Variants in LRRIQ1 observed in about 807,000 individuals in gnomAD.
LRRIQ1 encodes the protein leucine-rich repeat- and IQ domain-containing protein 1.
A neutral mutation model predicts 211.9 loss-of-function variants in LRRIQ1; 210 were observed. The ratio of observed to expected loss-of-function variants is 0.99; its 90% confidence interval spans 0.89 to 1.11. The LOEUF is 1.11. Ranked by LOEUF, LRRIQ1 falls within the 50% of genes most tolerant of loss-of-function variation. The pLI, the probability that LRRIQ1 is intolerant of heterozygous loss-of-function variation, is 0.00. For missense variants in LRRIQ1, 2,136 were observed against 1,939.5 expected, an observed-to-expected ratio of 1.10 and a Z score of -1.90; for synonymous variants, 699 against 650.1, an observed-to-expected ratio of 1.08 and a Z score of -1.14.
chr12:85,052,708 T>C (rs938402438), intron 7 of LRRIQ1, among the ~76,000 whole-genome samples: 2 of 152,238 alleles, frequency 1.3e-5, no homozygotes, highest in African/African-American at 4.8e-5. Context: ...ATAATCCTGT[T>C]ATTTAGCTAA....
chr12:85,126,695 C>A (rs1424183949), intron 17 of LRRIQ1, among the ~76,000 whole-genome samples: 1 of 151,954 alleles, frequency 6.6e-6, no homozygotes, highest in African/African-American at 2.4e-5. Flanking sequence ...CAGATTGGAG[C>A]CTTCTACTGG....
chr12:85,061,519 ACAGAAATTGC>A (rs1881801258), intron 8 of LRRIQ1, among the ~76,000 whole-genome samples: 1 of 151,804 alleles, frequency 6.6e-6, no homozygotes, highest in South Asian at 2.1e-4. Flanking sequence ...AGATTAAAGG[ACAGAAATTGC>A]CACATCATAA....
rs1888018805 is a variant in LRRIQ1, at chr12:85,121,936, A to AT, written c.3557+64dup. ...ATCAATAATGTAATTTATAAATGTG[A>AT]TTTTAAAGTATTCTGATTAACACAA... On this transcript the variant is annotated intron_variant, in intron 16 of 26. Transcript: ENST00000393217. The AT allele has an allele frequency of 5.3e-6, 7 of 1,324,116 alleles. No homozygotes were observed. In the East Asian group the frequency reaches 1.3e-4, roughly 25 times the overall value. The allele number at this position is 1,324,116 out of a possible 1,614,324, so 82.0% of individuals were successfully genotyped here.
chr12:85,053,848 C>T (rs990729127), intron 7 of LRRIQ1, among the ~76,000 whole-genome samples: 1 of 152,120 alleles, frequency 6.6e-6, no homozygotes, highest in Non-Finnish European at 1.5e-5. Context: ...GCTGGGACTA[C>T]AGGCGCCCGC....
chr12:85,056,644 A>T lies in LRRIQ1; in HGVS notation c.1851A>T (p.Thr617=), dbSNP rs1355514416. The change falls in exon 8 of 27, where the codon ACA becomes ACT. Residue 617 remains threonine (T), a synonymous_variant. Transcript: ENST00000393217. Reference sequence around the variant, plus strand: ...TGAAACAAAGATCACTCTCACTAACATCAGAAAATTCCAAAGATGTAAGAG... The same window carrying T: ...TGAAACAAAGATCACTCTCACTAACTTCAGAAAATTCCAAAGATGTAAGAG... ...ISVKQRSLSL[T]SENSKDVREN... The T allele has an allele frequency of 1.9e-6, 3 of 1,598,752 alleles. No homozygotes were observed. Among genetic ancestry groups the T allele is most frequent in the Non-Finnish European group, 2.6e-6 (3 of 1,173,886 alleles).
At chr12:85,128,575 G>A (rs1051983243) in intron 18 of LRRIQ1, among the ~76,000 whole-genome samples, 1 of 152,078 alleles carries the variant, frequency 6.6e-6, no homozygotes, top group African/African-American at 2.4e-5. Context: ...ACACTAGCCT[G>A]GATATAGAGT....
At chr12:85,132,445 A>G (rs1015689332) in intron 18 of LRRIQ1, among the ~76,000 whole-genome samples, 2 of 152,110 alleles carry the variant, frequency 1.3e-5, no homozygotes, top group African/African-American at 4.8e-5. Flanking sequence ...AAAGAAAGCA[A>G]GTAACCAAGA....
At chr12:85,212,679 G>T (rs892975256) in intron 24 of LRRIQ1, among the ~76,000 whole-genome samples, 2 of 150,684 alleles carry the variant, frequency 1.3e-5, no homozygotes, top group African/African-American at 4.9e-5. Context: ...GTTACTTTTA[G>T]ATTACGTTAA....
In LRRIQ1 at chr12:85,160,619, C is replaced by G; in HGVS notation, c.4727C>G (p.Thr1576Ser). 6.3e-7 allele frequency: 1 copy of G among 1,597,420 alleles called. No individual in the cohort carries two copies. ...TCTTATTCGTTTTGTTTAGATTCCACTGTGCGTCTAGCCTTATTCAAAAAC... is the reference window on the plus strand; with the variant it reads ...TCTTATTCGTTTTGTTTAGATTCCAGTGTGCGTCTAGCCTTATTCAAAAAC... The part of the protein sequence containing the change: ...SKKLKKKIDS[T>S]VRLALFKNNE... Residue 1576 changes from threonine to serine, a missense_variant, in exon 24 of 27, where the codon ACT becomes AGT. Transcript: ENST00000393217.
chr12:85,103,628 T>C (rs1192257089), intron 13 of LRRIQ1, among the ~76,000 whole-genome samples: 4 of 151,684 alleles, frequency 2.6e-5, no homozygotes, highest in African/African-American at 9.7e-5. Context: ...ATGTAAATTC[T>C]TTGTAAATTT....
intron 11 of LRRIQ1, among the ~76,000 whole-genome samples, chr12:85,077,140 G>C (rs1228629474): frequency 6.6e-6 from 1 of 152,156 alleles, no homozygotes; most frequent in African/African-American, 2.4e-5. Flanking sequence ...TTGATCTTCA[G>C]TGAAAAACCT....
chr12:85,069,055 G>A (rs1228111626), intron 10 of LRRIQ1, among the ~76,000 whole-genome samples: 1 of 150,772 alleles, frequency 6.6e-6, no homozygotes, highest in Non-Finnish European at 1.5e-5. Flanking sequence ...TCGTCATTTA[G>A]CATTAGGTAT....
chr12:85,231,245 C>A (rs1894924278), intron 25 of LRRIQ1, among the ~76,000 whole-genome samples: 1 of 151,970 alleles, frequency 6.6e-6, no homozygotes, highest in Admixed American at 6.6e-5. Context: ...ATAAACCTAA[C>A]TTTAATATGT....
Position 85,124,312 on chromosome 12 carries a change from G to C in LRRIQ1, c.3800G>C (p.Trp1267Ser), listed in dbSNP as rs1473503537. Residue 1267 changes from tryptophan (W) to serine (S), a missense_variant, in exon 17 of 27, where the codon TGG becomes TCG. Trp to Ser is a radical substitution (Grantham distance 177). Transcript: ENST00000393217. ...GACTCACCAGATATTCCTGAGAAAT[G>C]GATGGACTCTGTCTCCAGCCACTCC... ...EPDSPDIPEKWMDSVSSHSPL... is the reference protein window; with the variant it reads ...EPDSPDIPEKSMDSVSSHSPL... The C allele has an allele frequency of 6.2e-7, 1 of 1,614,076 alleles. No homozygotes were observed. Among genetic ancestry groups the C allele is most frequent in the Admixed American group, 1.7e-5 (1 of 60,010 alleles).
intron 24 of LRRIQ1, among the ~76,000 whole-genome samples, chr12:85,168,989 C>T (rs555420698): frequency 1.3e-5 from 2 of 152,176 alleles, no homozygotes; most frequent in Non-Finnish European, 2.9e-5. Context: ...CAACACCACT[C>T]ACTATGTTTC....
chr12:85,169,281 A>G (rs1210944675), intron 24 of LRRIQ1, among the ~76,000 whole-genome samples: 1 of 152,172 alleles, frequency 6.6e-6, no homozygotes, highest in Non-Finnish European at 1.5e-5. Context: ...CTTGACTAGT[A>G]GGGAGAGAGG....
chr12:85,240,334 A>T lies in LRRIQ1; in HGVS notation c.5017-4455A>T, dbSNP rs372139443. ...CAAATGTTGACAAGTATGCAGAGCA[A>T]CTGTATCTCTCATGCATTGCTGGTG... On this transcript the variant is annotated intron_variant, in intron 26 of 26. Transcript: ENST00000393217. Among the ~76,000 whole-genome samples, 6 of 152,316 alleles carry T rather than the reference A, an allele frequency of 3.9e-5. No individual in the cohort carries two copies. In the South Asian group the frequency reaches 1.2e-3, roughly 32 times the overall value.
chr12:85,199,003 G>A (rs1385167909), intron 24 of LRRIQ1, among the ~76,000 whole-genome samples: 2 of 152,124 alleles, frequency 1.3e-5, no homozygotes, highest in Non-Finnish European at 2.9e-5. Context: ...TATAGGTTCT[G>A]GATATTAGAG....
intron 24 of LRRIQ1, among the ~76,000 whole-genome samples, chr12:85,195,744 C>T (rs1892869542): frequency 1.3e-5 from 2 of 152,056 alleles, no homozygotes; most frequent in Admixed American, 1.3e-4. Flanking sequence ...AAACTGGAAG[C>T]ATTCCCTTTG....
Sources: allele counts gnomAD v4.1 joint callset (sites outside exome capture counted in the v4.1 genomes callset), GRCh38; gene constraint gnomAD v4.1.1; transcripts MANE v1.5; gene names NCBI Gene and HGNC (gene_info 2026-07-23, HGNC 2026-07-21).